The following FSTL4 variants were observed in gnomAD, a reference collection of about 807,000 sequenced individuals.
FSTL4 encodes follistatin like 4.
In FSTL4, 28 loss-of-function variants were observed where a neutral mutation model predicts 78.2. The observed-to-expected ratio is 0.36, with a 90% CI of 0.27 to 0.49. The LOEUF is 0.49. Ranked by LOEUF, FSTL4 falls within the 20% of genes least tolerant of loss-of-function variation. FSTL4 has a pLI of 0.98. For synonymous variants in FSTL4, 422 were observed against 440.5 expected (o/e 0.96, Z 0.53); for missense variants, 922 against 1,084.9 (o/e 0.85, Z 2.11).
chr5:133,841,994 G>A, the FSTL4 span, among the ~76,000 whole-genome samples: 1 of 152,170 alleles, frequency 6.6e-6, no homozygotes, highest in African/African-American at 2.4e-5. Context: ...CTGGCTGCCG[G>A]CATTTCTGGA....
At chr5:133,331,583 G>A (rs1013492116) in intron 4 of FSTL4, among the ~76,000 whole-genome samples, 10 of 152,120 alleles carry the variant, frequency 6.6e-5, no homozygotes, top group South Asian at 4.2e-4. Flanking sequence ...GCTATAAGCC[G>A]GCGATACGTG....
At chr5:133,573,787 G>A (rs1263724821) in intron 2 of FSTL4, among the ~76,000 whole-genome samples, 1 of 152,134 alleles carries the variant, frequency 6.6e-6, no homozygotes. Flanking sequence ...GTGTCCATTC[G>A]AGATTTATAA....
the FSTL4 span, among the ~76,000 whole-genome samples, chr5:133,753,453 C>T: frequency 2.0e-5 from 3 of 152,192 alleles, no homozygotes; most frequent in Admixed American, 2.0e-4. Flanking sequence ...TCCCTAATCT[C>T]AGGTGGCTCA....
At chr5:133,639,230 C>A in the FSTL4 span, among the ~76,000 whole-genome samples, 2 of 152,164 alleles carry the variant, frequency 1.3e-5, no homozygotes, top group Non-Finnish European at 2.9e-5. Context: ...CACATTTTCT[C>A]ACTCATAAGT....
chr5:133,577,583 A>G (rs953607349), intron 2 of FSTL4, among the ~76,000 whole-genome samples: 1 of 152,208 alleles, frequency 6.6e-6, no homozygotes, highest in Non-Finnish European at 1.5e-5. Context: ...GAGTTGCCCA[A>G]TCAGCAGAGG....
intron 3 of FSTL4, among the ~76,000 whole-genome samples, chr5:133,467,291 TG>T: frequency 6.6e-6 from 1 of 151,764 alleles, no homozygotes; most frequent in South Asian, 2.1e-4. Flanking sequence ...TGAGTGTGTA[TG>T]TGTACACCAC....
chr5:133,421,210 C>T (rs2126987345), intron 3 of FSTL4, among the ~76,000 whole-genome samples: 1 of 152,358 alleles, frequency 6.6e-6, no homozygotes, highest in Non-Finnish European at 1.5e-5. Context: ...GCTGTCACTG[C>T]CCAGGCTGAT....
intron 3 of FSTL4, among the ~76,000 whole-genome samples, chr5:133,532,163 A>G (rs537867203): frequency 7.2e-5 from 11 of 152,322 alleles, no homozygotes; most frequent in African/African-American, 2.6e-4. Flanking sequence ...AGACAAGTAG[A>G]CGTCAGAGTG....
At chr5:133,760,887 C>T in the FSTL4 span, among the ~76,000 whole-genome samples, 276 of 152,326 alleles carry the variant, frequency 1.8e-3, no homozygotes, top group African/African-American at 6.2e-3. Context: ...ATTTTATCCA[C>T]TGACCTCTAG....
chr5:133,743,416 G>C, the FSTL4 span, among the ~76,000 whole-genome samples: 1 of 152,166 alleles, frequency 6.6e-6, no homozygotes, highest in Admixed American at 6.5e-5. Context: ...GCATGGATTT[G>C]GAGTCACAGA....
At chr5:133,265,550 A>G (rs1581580333) in intron 6 of FSTL4, among the ~76,000 whole-genome samples, 1 of 152,310 alleles carries the variant, frequency 6.6e-6, no homozygotes, top group African/African-American at 2.4e-5. Context: ...CAGGACACAA[A>G]CCCACAAAAA....
intron 2 of FSTL4, among the ~76,000 whole-genome samples, chr5:133,602,000 C>T (rs144195258): frequency 6.6e-6 from 1 of 152,052 alleles, no homozygotes; most frequent in Non-Finnish European, 1.5e-5. Context: ...CTGTTCTCTG[C>T]AGCTAAACCT....
rs185062393 is a variant in FSTL4, at chr5:133,277,307, G to A, written c.728-27731C>T. Among the ~76,000 whole-genome samples, 602 of 141,458 alleles carry A rather than the reference G, an allele frequency of 4.3e-3. 5 individuals are homozygous for A. The highest frequency in any genetic ancestry group is 0.014 in the African/African-American group (570 of 41,064). The allele number at this position is 141,458 out of a possible 152,430, so 92.8% of individuals were successfully genotyped here. On this transcript the variant is annotated intron_variant, in intron 6 of 15. Coordinates refer to ENST00000265342, the MANE Select transcript of FSTL4 (RefSeq NM_015082.2). The stretch of plus-strand genomic sequence containing the variant: ...CAGACTGGGCAACAGAGCAAGACTC[G>A]GTCTCAAAAAAAAAAAGAAAAGAAA...
chr5:133,200,229 T>C (rs1750276916), intron 15 of FSTL4, among the ~76,000 whole-genome samples: 1 of 151,920 alleles, frequency 6.6e-6, no homozygotes, highest in Non-Finnish European at 1.5e-5. Context: ...AAGAAAAGAG[T>C]TCTATATCCT....
chr5:133,323,381 A>G (rs1435610389), intron 4 of FSTL4, among the ~76,000 whole-genome samples: 1 of 152,182 alleles, frequency 6.6e-6, no homozygotes, highest in Admixed American at 6.5e-5. Flanking sequence ...TCTCTTGGTG[A>G]GATGGGCTCA....
chr5:133,617,422 T>C (rs1461635492), upstream of FSTL4, among the ~76,000 whole-genome samples: 1 of 151,924 alleles, frequency 6.6e-6, no homozygotes, highest in Non-Finnish European at 1.5e-5. Flanking sequence ...AGAGACCTCC[T>C]GAAGAGGCTA....
At chr5:133,820,145 G>C in the FSTL4 span, among the ~76,000 whole-genome samples, 1 of 152,260 alleles carries the variant, frequency 6.6e-6, no homozygotes, top group Non-Finnish European at 1.5e-5. Flanking sequence ...GTCCTCCAGG[G>C]CCCCTTTCCA....
At position 133,354,310 on chromosome 5, in the gene FSTL4, G is replaced by A. The variant is rs146597140; in HGVS notation, c.410-37658C>T. Among the ~76,000 whole-genome samples, 8 of 152,326 alleles carry A rather than the reference G, an allele frequency of 5.3e-5. No individual in the cohort carries two copies. The East Asian group carries it at 1.4e-3, about 26-fold the overall frequency. On this transcript the variant is annotated intron_variant, in intron 4 of 15. Coordinates refer to ENST00000265342, the MANE Select transcript of FSTL4 (RefSeq NM_015082.2). Reference sequence around the variant, plus strand: ...CAGCGCCATTTGGCCCTGCGACAGAGGAGCGCACAATCCCTATTGCTGAAA... The same window carrying A: ...CAGCGCCATTTGGCCCTGCGACAGAAGAGCGCACAATCCCTATTGCTGAAA...
At chr5:133,399,274 G>A (rs575532320) in intron 4 of FSTL4, among the ~76,000 whole-genome samples, 23 of 152,306 alleles carry the variant, frequency 1.5e-4, no homozygotes, top group Admixed American at 3.9e-4. Context: ...CTGGCGGCAC[G>A]TGGCTGGGCA....
Sources: allele counts gnomAD v4.1 joint callset (sites outside exome capture counted in the v4.1 genomes callset), GRCh38; gene constraint gnomAD v4.1.1; transcripts MANE v1.5; gene names NCBI Gene and HGNC (gene_info 2026-07-23, HGNC 2026-07-21).